Variants in LRRTM1 observed in about 807,000 individuals in gnomAD.
LRRTM1 encodes the protein leucine rich repeat transmembrane neuronal 1, also known as leucine-rich repeat transmembrane neuronal protein 1.
LRRTM1 carries 8 observed loss-of-function variants against 37.3 expected under a neutral mutation model. The ratio of observed to expected loss-of-function variants is 0.21; its 90% CI spans 0.13 to 0.39. LRRTM1 has a LOEUF of 0.39. Among genes scored for constraint, LRRTM1 ranks in the 10% least tolerant of loss-of-function variants. The pLI, the probability that LRRTM1 is intolerant of heterozygous loss-of-function variation, is 1.00. For synonymous variants in LRRTM1, 326 were observed against 316.8 expected, an observed-to-expected ratio of 1.03 and a Z score of -0.31; for missense variants, 557 against 691.0, an observed-to-expected ratio of 0.81 and a Z score of 2.17.
At chr2:80,301,220 T>A (rs978925593), downstream of LRRTM1, among the ~76,000 whole-genome samples, 10 of 152,210 alleles carry the variant, frequency 6.6e-5, no homozygotes, top group Non-Finnish European at 1.3e-4. Flanking sequence ...TGTCACTGTT[T>A]GGGAGCCTAA....
intron 2 of LRRTM1, among the ~76,000 whole-genome samples, chr2:80,289,907 C>G (rs1675091613): frequency 6.6e-6 from 1 of 152,104 alleles, no homozygotes; most frequent in African/African-American, 2.4e-5. Context: ...CAGCAGTGAC[C>G]AAGAGCAGGA....
chr2:80,303,408 TG>T lies in LRRTM1; in HGVS notation c.411del (p.Asn138ThrfsTer87). On this transcript the variant is annotated frameshift_variant, in exon 2 of 2. Coordinates refer to ENST00000295057, the MANE Select transcript of LRRTM1 (RefSeq NM_178839.5). LOFTEE classifies it high-confidence loss of function. The surrounding 1 kb of genome is among the most constrained non-coding windows in gnomAD (Gnocchi z 7.7). Reference protein sequence around the residue: ...QLPNTTFRPMPNLRSVDLSYN... With the variant: ...QLPNTTFRPMXNLRSVDLSYN... ...TACGAGAGGTCCACGCTGCGCAGGTTGGGCATGGGCCGGAAGGTGGTGTTGG... is the reference window on the plus strand; with the variant it reads ...TACGAGAGGTCCACGCTGCGCAGGTTGGCATGGGCCGGAAGGTGGTGTTGG... 1 of 1,614,176 alleles carries T rather than the reference TG, an allele frequency of 6.2e-7. No individual in the cohort carries two copies. The highest frequency in any genetic ancestry group is 8.5e-7 in the Non-Finnish European group (1 of 1,180,028).
intron 2 of LRRTM1, among the ~76,000 whole-genome samples, chr2:80,294,642 A>T (rs926409724): frequency 6.6e-6 from 1 of 151,230 alleles, no homozygotes; most frequent in Non-Finnish European, 1.5e-5. Context: ...GCTTAAAAAA[A>T]ATAATAATAA....
At chr2:80,294,562 A>G (rs1393866618) in intron 2 of LRRTM1, among the ~76,000 whole-genome samples, 2 of 152,148 alleles carry the variant, frequency 1.3e-5, no homozygotes, top group Non-Finnish European at 2.9e-5. Flanking sequence ...TGAGTTGTCC[A>G]TGCTGTGAGT....
chr2:80,290,813 AGAAG>A (rs1675175400), intron 2 of LRRTM1, among the ~76,000 whole-genome samples: 1 of 152,318 alleles, frequency 6.6e-6, no homozygotes, highest in Non-Finnish European at 1.5e-5. Context: ...TAAAAAGAAA[AGAAG>A]GAAGGAAGGA....
chr2:80,303,685 G>C lies in LRRTM1; in HGVS notation c.135C>G (p.Cys45Trp). ...APSGCPQLCRCEGRLLYCEAL... is the reference protein window; with the variant it reads ...APSGCPQLCRWEGRLLYCEAL... Reference sequence around the variant, plus strand: ...CCTCGCAGTACAGCAGCCGCCCCTCGCACCGGCACAGCTGCGGGCACCCGC... The same window carrying C: ...CCTCGCAGTACAGCAGCCGCCCCTCCCACCGGCACAGCTGCGGGCACCCGC... Residue 45 changes from cysteine (C) to tryptophan (W), a missense_variant, in exon 2 of 2, where the codon TGC becomes TGG. Cys to Trp is a radical substitution (Grantham distance 215). Coordinates refer to ENST00000295057, the MANE Select transcript of LRRTM1 (RefSeq NM_178839.5). The surrounding 1 kb of genome is among the most constrained non-coding windows in gnomAD (Gnocchi z 7.7). 1.2e-6 allele frequency: 2 copies of C among 1,610,714 alleles called. No homozygotes were observed. Among genetic ancestry groups the C allele is most frequent in the Non-Finnish European group, 8.5e-7 (1 of 1,178,082 alleles).
intron 2 of LRRTM1, among the ~76,000 whole-genome samples, chr2:80,295,519 G>A (rs529114221): frequency 6.6e-6 from 1 of 152,296 alleles, no homozygotes; most frequent in South Asian, 2.1e-4. Context: ...TGGAGGAATA[G>A]GAATTCAGGG....
intron 2 of LRRTM1, among the ~76,000 whole-genome samples, chr2:80,295,225 AT>A (rs11371104): frequency 0.014 from 2,057 of 146,944 alleles, 34 homozygotes; most frequent in African/African-American, 0.041. Flanking sequence ...TCCTGAACAA[AT>A]TTTTTTTTTT....
At chr2:80,296,728 G>C (rs1289594319) in intron 2 of LRRTM1, among the ~76,000 whole-genome samples, 6 of 152,094 alleles carry the variant, frequency 3.9e-5, no homozygotes, top group Non-Finnish European at 7.4e-5. Flanking sequence ...TGACATTTTA[G>C]GTCAAATAAT....
intron 2 of LRRTM1, among the ~76,000 whole-genome samples, chr2:80,295,755 C>A (rs1043532394): frequency 1.3e-5 from 2 of 152,210 alleles, no homozygotes; most frequent in Non-Finnish European, 2.9e-5. Context: ...ATGATAACTC[C>A]TGACTTCTAG....
At chr2:80,295,463 A>G (rs1297821156) in intron 2 of LRRTM1, among the ~76,000 whole-genome samples, 1 of 152,112 alleles carries the variant, frequency 6.6e-6, no homozygotes, top group Non-Finnish European at 1.5e-5. Context: ...TTTTTAACCT[A>G]TATCTGCTCA....
intron 2 of LRRTM1, among the ~76,000 whole-genome samples, chr2:80,294,830 C>T (rs1294082829): frequency 1.3e-5 from 2 of 151,952 alleles, no homozygotes; most frequent in African/African-American, 4.8e-5. Context: ...AGCTAGAGAA[C>T]GAATTCCTTC....
At chr2:80,294,874 A>G (rs1675605922) in intron 2 of LRRTM1, among the ~76,000 whole-genome samples, 1 of 152,160 alleles carries the variant, frequency 6.6e-6, no homozygotes, top group African/African-American at 2.4e-5. Context: ...ACTTTACAAC[A>G]TTACATTGAG....
In LRRTM1 at chr2:80,301,958, T is replaced by C; in HGVS notation, c.*293A>G. The C allele has an allele frequency of 3.3e-6, 1 of 303,062 alleles. No homozygotes were observed. Among genetic ancestry groups the C allele is most frequent in the Non-Finnish European group, 6.0e-6 (1 of 166,298 alleles). 18.8% of individuals were successfully genotyped at this position (303,062 alleles called of 1,614,324 possible). On this transcript the variant is annotated 3_prime_UTR_variant, in exon 2 of 2. Transcript: ENST00000295057. ...AATGATTGGTACCTTTTTTACACTC[T>C]CAGATTCCTGAATATGGACAGATCT...
At chr2:80,300,861 A>T (rs976687024), downstream of LRRTM1, among the ~76,000 whole-genome samples, 45 of 148,872 alleles carry the variant, frequency 3.0e-4, no homozygotes, top group African/African-American at 1.0e-3. Flanking sequence ...CCACCTCCTC[A>T]CTCTTTAGTT....
chr2:80,298,650 A>T (rs944824318), downstream of LRRTM1: 1 of 152,262 alleles, frequency 6.6e-6, no homozygotes, highest in Non-Finnish European at 1.5e-5. Flanking sequence ...TGTGTTGTTG[A>T]TGCTAAATCA....
chr2:80,301,611 T>C (rs1478830167), downstream of LRRTM1, among the ~76,000 whole-genome samples: 2 of 152,318 alleles, frequency 1.3e-5, no homozygotes, highest in Non-Finnish European at 2.9e-5. Context: ...GGTGGTTAGA[T>C]TGCACTGTCC....
intron 2 of LRRTM1, among the ~76,000 whole-genome samples, chr2:80,293,432 G>A (rs1675442857): frequency 6.6e-6 from 1 of 152,136 alleles, no homozygotes; most frequent in Non-Finnish European, 1.5e-5. Flanking sequence ...TTTTAAAGAG[G>A]ACTTTGGTTT....
chr2:80,302,206 C>T lies in LRRTM1; in HGVS notation c.*45G>A, dbSNP rs374147500. On this transcript the variant is annotated 3_prime_UTR_variant, in exon 2 of 2. Coordinates refer to ENST00000295057, the MANE Select transcript of LRRTM1 (RefSeq NM_178839.5). The surrounding 1 kb of genome is among the most constrained non-coding windows in gnomAD (Gnocchi z 6.4). Reference sequence around the variant, plus strand: ...GGTGCCCGCCGGCCCGTCCCGGCTGCCCAGGCGTATTTGGTAGCGCATGGG... The same window carrying T: ...GGTGCCCGCCGGCCCGTCCCGGCTGTCCAGGCGTATTTGGTAGCGCATGGG... 1 of 1,580,658 alleles carries T rather than the reference C, an allele frequency of 6.3e-7. No homozygotes were observed. Among genetic ancestry groups the T allele is most frequent in the Non-Finnish European group, 8.6e-7 (1 of 1,162,738 alleles).
Sources: allele counts gnomAD v4.1 joint callset (sites outside exome capture counted in the v4.1 genomes callset), GRCh38; gene constraint gnomAD v4.1.1; non-coding constraint Gnocchi (gnomAD v3.1); transcripts MANE v1.5; gene names NCBI Gene and HGNC (gene_info 2026-07-23, HGNC 2026-07-21).